Variants in SBF2 observed in about 807,000 individuals in gnomAD.
SBF2 encodes the protein myotubularin-related protein 13.
SBF2 carries 112 observed loss-of-function variants against 225.2 expected under a neutral mutation model. The ratio of observed to expected loss-of-function variants is 0.50; its 90% CI spans 0.43 to 0.58. The LOEUF is 0.58. SBF2 is among the 20% of genes least tolerant of loss of function. SBF2 has a pLI of 0.00. For synonymous variants in SBF2, 763 were observed against 773.3 expected, an observed-to-expected ratio of 0.99 and a Z score of 0.22; for missense variants, 1,996 against 2,206.2, an observed-to-expected ratio of 0.90 and a Z score of 1.91.
chr11:9,799,389 ATGTGTCCTCCTG>A (rs1464563864), intron 32 of SBF2, among the ~76,000 whole-genome samples: 2 of 152,174 alleles, frequency 1.3e-5, no homozygotes, highest in Non-Finnish European at 2.9e-5. Flanking sequence ...GGCACTATGC[ATGTGTCCTCCTG>A]TGTGCCACAG....
At chr11:10,284,638 G>A (rs556852421) in intron 1 of SBF2, among the ~76,000 whole-genome samples, 2 of 151,616 alleles carry the variant, frequency 1.3e-5, no homozygotes, top group East Asian at 3.9e-4. Flanking sequence ...CCAGGCTGGA[G>A]TTTGTTCCGT....
chr11:10,080,248 CAAAA>C (rs34181436), intron 2 of SBF2, among the ~76,000 whole-genome samples: 2 of 82,226 alleles, frequency 2.4e-5, no homozygotes, highest in Admixed American at 1.5e-4. Flanking sequence ...AACTCTGTCT[CAAAA>C]AAAAAAAAAA....
At chr11:9,884,868 T>C (rs1860130559) in intron 17 of SBF2, among the ~76,000 whole-genome samples, 1 of 152,304 alleles carries the variant, frequency 6.6e-6, no homozygotes, top group South Asian at 2.1e-4. Context: ...TATTCAATCA[T>C]GTAAACACAT....
chr11:10,063,339 TA>T (rs1391002436), intron 2 of SBF2, among the ~76,000 whole-genome samples: 41 of 125,668 alleles, frequency 3.3e-4, no homozygotes, highest in Middle Eastern at 3.7e-3. Context: ...TATATATATA[TA>T]TATATTTTTT....
intron 2 of SBF2, among the ~76,000 whole-genome samples, chr11:10,173,551 G>C (rs1956313272): frequency 6.6e-6 from 1 of 152,244 alleles, no homozygotes; most frequent in Admixed American, 6.5e-5. Context: ...AGCAGTCTGA[G>C]ATCAAACTGC....
At chr11:10,076,914 A>G (rs1453207738) in intron 2 of SBF2, among the ~76,000 whole-genome samples, 1 of 152,170 alleles carries the variant, frequency 6.6e-6, no homozygotes, top group East Asian at 1.9e-4. Flanking sequence ...CCTTGCCTCC[A>G]TCAACCTGCA....
At chr11:10,211,014 CAAA>C (rs1230619092) in intron 1 of SBF2, among the ~76,000 whole-genome samples, 2,986 of 33,068 alleles carry the variant, frequency 0.09, 204 homozygotes, top group African/African-American at 0.23. Flanking sequence ...ACTCTTGACT[CAAA>C]AAAAAAAAAA....
chr11:9,910,925 G>A (rs1862557940), intron 16 of SBF2, among the ~76,000 whole-genome samples: 1 of 150,234 alleles, frequency 6.7e-6, no homozygotes, highest in African/African-American at 2.4e-5. Context: ...TGGGCATGGT[G>A]GTGCACGCCT....
In SBF2 at chr11:9,838,558, A is replaced by C. The variant is rs1270726493; in HGVS notation, c.3455+940T>G. ...AAAATGTTTATTTGGCCACAATCTCAAAACTATATTCCCAACTTGTTTCTG... is the reference window on the plus strand; with the variant it reads ...AAAATGTTTATTTGGCCACAATCTCCAAACTATATTCCCAACTTGTTTCTG... On this transcript the variant is annotated intron_variant, in intron 26 of 39. Coordinates refer to ENST00000256190, the MANE Select transcript of SBF2 (RefSeq NM_030962.4). The C allele has an allele frequency of 2.6e-5, 4 of 152,230 alleles. No homozygotes were observed. The South Asian group carries it at 8.3e-4, about 32-fold the overall frequency. The allele number at this position is 152,230 out of a possible 1,614,324, so 9.4% of individuals were successfully genotyped here. A position where few individuals can be genotyped will look rare whatever the true frequency, so the allele number is the denominator to read the frequency against.
chr11:9,814,058 T>C (rs748507665), intron 29 of SBF2, among the ~76,000 whole-genome samples: 10 of 152,258 alleles, frequency 6.6e-5, no homozygotes, highest in Non-Finnish European at 1.2e-4. Context: ...CTTTCTCATT[T>C]ACATCTTTAA....
At position 9,967,109 on chromosome 11, in the gene SBF2, C is replaced by T. The variant is rs144836379; in HGVS notation, c.1600+1232G>A. ...AAATGAGGCCTGGCACAGAGGCTCA[C>T]GCCTGTAATCCCAGGACTTTGGGAG... is the stretch of plus-strand genomic sequence containing the variant. On this transcript the variant is annotated intron_variant, in intron 14 of 39. Transcript: ENST00000256190. 4.0e-3 allele frequency among the ~76,000 whole-genome samples: 606 copies of T among 152,326 alleles called. 4 individuals are homozygous for T. The highest frequency in any genetic ancestry group is 6.4e-3 in the Non-Finnish European group (436 of 68,032).
chr11:10,192,757 T>C (rs1957222354), intron 2 of SBF2, among the ~76,000 whole-genome samples: 1 of 152,202 alleles, frequency 6.6e-6, no homozygotes, highest in Admixed American at 6.5e-5. Context: ...CTCCAGAGCC[T>C]GCACTCTTAA....
rs528489393 is a variant in SBF2 at position 10,018,593 on chromosome 11, T to C, written c.619+9859A>G. ...TAATTCAATGCAAAGATAGAGCTAT[T>C]TAATATTAGCATCTACGTGCCAAAA... On this transcript the variant is annotated intron_variant, in intron 6 of 39. Coordinates refer to ENST00000256190, the MANE Select transcript of SBF2 (RefSeq NM_030962.4). Among the ~76,000 whole-genome samples, 26 of 152,262 alleles carry C rather than the reference T, an allele frequency of 1.7e-4. No individual in the cohort carries two copies. The East Asian group carries it at 2.1e-3, about 12-fold the overall frequency.
At chr11:9,791,549 A>T (rs956557993) in intron 33 of SBF2, among the ~76,000 whole-genome samples, 1 of 152,126 alleles carries the variant, frequency 6.6e-6, no homozygotes, top group Admixed American at 6.5e-5. Context: ...GTAGTTCTCA[A>T]CCTTGGACAT....
chr11:10,024,902 G>A (rs548725793), intron 6 of SBF2, among the ~76,000 whole-genome samples: 18 of 152,222 alleles, frequency 1.2e-4, no homozygotes, highest in African/African-American at 3.1e-4. Flanking sequence ...TTTCTGTCAC[G>A]GAGGGAGGGC....
intron 17 of SBF2, among the ~76,000 whole-genome samples, chr11:9,869,380 G>A (rs7129274): frequency 0.22 from 33,585 of 151,758 alleles, 4,438 homozygotes; most frequent in Non-Finnish European, 0.29. Context: ...GTGCAGTGGC[G>A]CGATCTCAGC....
chr11:9,798,167 G>A (rs1239126805), intron 32 of SBF2, among the ~76,000 whole-genome samples: 3 of 152,078 alleles, frequency 2.0e-5, no homozygotes, highest in Non-Finnish European at 2.9e-5. Flanking sequence ...TCATTCAAAC[G>A]CTTGCCTCTA....
rs1267542029 is a variant in SBF2 at position 9,835,539 on chromosome 11, G to A, written c.3456-3119C>T. On this transcript the variant is annotated intron_variant, in intron 26 of 39. Coordinates refer to ENST00000256190, the MANE Select transcript of SBF2 (RefSeq NM_030962.4). ...CCCAGCTACTCAGAAAGCTGAGGTG[G>A]AAGGATCGCCTGAGCCAGGGAGGTT... Among the ~76,000 whole-genome samples the A allele has an allele frequency of 8.0e-5, 12 of 150,638 alleles. No homozygotes were observed. In the Admixed American group the frequency reaches 8.0e-4, roughly 10 times the overall value.
intron 2 of SBF2, among the ~76,000 whole-genome samples, chr11:10,090,438 T>C (rs1344892363): frequency 6.6e-6 from 1 of 152,166 alleles, no homozygotes; most frequent in Non-Finnish European, 1.5e-5. Context: ...GTCCATCTTA[T>C]AGATATAACT....
Sources: gnomAD v4.1 joint callset for allele counts (sites outside exome capture counted in the v4.1 genomes callset) on GRCh38, gnomAD v4.1.1 for gene constraint, MANE v1.5 for transcripts, NCBI Gene and HGNC (gene_info 2026-07-23, HGNC 2026-07-21) for gene names.